Variants in XRCC4 observed in about 807,000 individuals in gnomAD.
The protein encoded by XRCC4 is X-ray repair cross complementing 4.
A neutral mutation model predicts 39.1 loss-of-function variants in XRCC4; 28 were observed. The ratio of observed to expected loss-of-function variants is 0.72; its 90% CI spans 0.53 to 0.98. XRCC4 has a LOEUF of 0.98. Ranked by LOEUF, XRCC4 falls within the 50% of genes least tolerant of loss-of-function variation. XRCC4 has a pLI of 0.00. For synonymous variants in XRCC4, 123 were observed against 126.4 expected (o/e 0.97, Z 0.18); for missense variants, 350 against 376.4 (o/e 0.93, Z 0.58).
the XRCC4 span, among the ~76,000 whole-genome samples, chr5:83,366,952 A>G: frequency 1.4e-4 from 22 of 152,132 alleles, no homozygotes; most frequent in Admixed American, 1.2e-3. Context: ...TAGACCTAGC[A>G]TACTATATAT....
At chr5:83,122,806 AGT>A (rs1747072599) in intron 3 of XRCC4, among the ~76,000 whole-genome samples, 1 of 152,048 alleles carries the variant, frequency 6.6e-6, no homozygotes, top group Non-Finnish European at 1.5e-5. Flanking sequence ...TGAATTAATT[AGT>A]AGTTTGTAAT....
At chr5:83,372,035 T>A in the XRCC4 span, among the ~76,000 whole-genome samples, 1 of 152,230 alleles carries the variant, frequency 6.6e-6, no homozygotes, top group Admixed American at 6.5e-5. Context: ...TTTGTTGGCC[T>A]GTTGTGATAA....
At chr5:83,147,544 G>C (rs1472926255) in intron 3 of XRCC4, among the ~76,000 whole-genome samples, 1 of 152,082 alleles carries the variant, frequency 6.6e-6, no homozygotes, top group East Asian at 1.9e-4. Context: ...GGTTACCTGG[G>C]GTTGGGGGTG....
At chr5:83,211,647 A>G (rs1377763893) in intron 6 of XRCC4, among the ~76,000 whole-genome samples, 3 of 152,118 alleles carry the variant, frequency 2.0e-5, no homozygotes, top group Non-Finnish European at 2.9e-5. Flanking sequence ...AAGAAAAGAA[A>G]CCTATTAGCT....
At chr5:83,224,905 C>T (rs1246198002) in intron 6 of XRCC4, among the ~76,000 whole-genome samples, 1 of 152,138 alleles carries the variant, frequency 6.6e-6, no homozygotes, top group Non-Finnish European at 1.5e-5. Flanking sequence ...CATCTTTCAA[C>T]CATTATTTTG....
intron 7 of XRCC4, among the ~76,000 whole-genome samples, chr5:83,302,701 C>T (rs1274732424): frequency 6.6e-6 from 1 of 152,182 alleles, no homozygotes; most frequent in Non-Finnish European, 1.5e-5. Context: ...TCACGGAGAA[C>T]AGCTCATTAG....
At chr5:83,305,071 A>G (rs1451734143) in intron 7 of XRCC4, among the ~76,000 whole-genome samples, 2 of 152,170 alleles carry the variant, frequency 1.3e-5, no homozygotes, top group African/African-American at 4.8e-5. Context: ...GTGTTGTTTC[A>G]TATCCTATCG....
At position 83,203,587 on chromosome 5, in the gene XRCC4, A is replaced by T. The variant is rs1376295451; in HGVS notation, c.518A>T (p.Glu173Val). Residue 173 changes from glutamate (E) to valine (V), a missense_variant, in exon 5 of 8, where the codon GAG becomes GTG. Physicochemically the swap from Glu to Val is moderately radical, Grantham distance 121. Coordinates refer to ENST00000396027, the MANE Select transcript of XRCC4 (RefSeq NM_003401.5). ...EKCVSAKEAL[E>V]TDLYKRFILV... The stretch of plus-strand genomic sequence containing the variant: ...TGTGTGAGTGCTAAGGAAGCTTTGG[A>T]GACTGATCTTTATAAGCGGTTTATT... 6.2e-7 allele frequency: 1 copy of T among 1,603,882 alleles called. No individual in the cohort carries two copies. The highest frequency in any genetic ancestry group is 8.5e-7 in the Non-Finnish European group (1 of 1,177,216).
intron 6 of XRCC4, among the ~76,000 whole-genome samples, chr5:83,238,215 CTT>C (rs910914435): frequency 6.6e-6 from 1 of 152,124 alleles, no homozygotes; most frequent in African/African-American, 2.4e-5. Context: ...CAAAGGGAAA[CTT>C]ATGATGGTTT....
intron 6 of XRCC4, among the ~76,000 whole-genome samples, chr5:83,222,404 T>C (rs950856030): frequency 1.3e-5 from 2 of 152,190 alleles, no homozygotes; most frequent in Non-Finnish European, 2.9e-5. Context: ...GTATTTAAAT[T>C]TGCCTTATAT....
At chr5:83,145,817 A>G (rs1298037966) in intron 3 of XRCC4, among the ~76,000 whole-genome samples, 2 of 149,788 alleles carry the variant, frequency 1.3e-5, no homozygotes, top group African/African-American at 4.9e-5. Context: ...TTTTTTCCCC[A>G]GAATCAATCT....
intron 7 of XRCC4, among the ~76,000 whole-genome samples, chr5:83,288,111 T>C (rs1754796282): frequency 6.6e-6 from 1 of 151,898 alleles, no homozygotes; most frequent in African/African-American, 2.4e-5. Context: ...TCTAGTTTCA[T>C]TTTCATTGTG....
chr5:83,254,081 G>GA (rs1276272911), intron 6 of XRCC4, among the ~76,000 whole-genome samples: 1 of 117,816 alleles, frequency 8.5e-6, no homozygotes, highest in Non-Finnish European at 1.8e-5. Flanking sequence ...ATCGTTTTTT[G>GA]TTTTTTTTTT....
downstream of XRCC4, among the ~76,000 whole-genome samples, chr5:83,356,149 G>A (rs1757187828): frequency 6.6e-6 from 1 of 152,012 alleles, no homozygotes; most frequent in Non-Finnish European, 1.5e-5. Flanking sequence ...ATTCTACTCA[G>A]TCACTTTGGA....
intron 6 of XRCC4, among the ~76,000 whole-genome samples, chr5:83,222,020 G>A (rs954950742): frequency 1.3e-5 from 2 of 151,492 alleles, no homozygotes; most frequent in African/African-American, 2.4e-5. Context: ...TGTTTACATG[G>A]TTTATCTTTT....
chr5:83,121,324 G>T (rs990101424), intron 3 of XRCC4, among the ~76,000 whole-genome samples: 1 of 152,120 alleles, frequency 6.6e-6, no homozygotes, highest in Admixed American at 6.6e-5. Flanking sequence ...TTATATGGTA[G>T]GCATATGTTT....
intron 3 of XRCC4, among the ~76,000 whole-genome samples, chr5:83,129,571 T>C (rs1228802792): frequency 6.6e-6 from 1 of 152,102 alleles, no homozygotes; most frequent in African/African-American, 2.4e-5. Flanking sequence ...TTGGGCAGTA[T>C]GGCCATTTTC....
intron 3 of XRCC4, among the ~76,000 whole-genome samples, chr5:83,132,552 C>T (rs545345723): frequency 6.6e-6 from 1 of 151,822 alleles, no homozygotes; most frequent in African/African-American, 2.4e-5. Context: ...TCACATAGTC[C>T]CATATTTCTC....
Position 83,169,256 on chromosome 5 carries a change from T to G in XRCC4, c.316-26514T>G, listed in dbSNP as rs1041842212. Among the ~76,000 whole-genome samples, 4 of 152,224 alleles carry G rather than the reference T, an allele frequency of 2.6e-5. No homozygotes were observed. The South Asian group carries it at 8.3e-4, about 32-fold the overall frequency. ...CCAAAGTTTAAATATTATATTTCCT[T>G]TTGAAATTATAGATTCTTTTATTTC... is the stretch of plus-strand genomic sequence containing the variant. On this transcript the variant is annotated intron_variant, in intron 3 of 7. Coordinates refer to ENST00000396027, the MANE Select transcript of XRCC4 (RefSeq NM_003401.5).
Sources: allele counts gnomAD v4.1 joint callset (sites outside exome capture counted in the v4.1 genomes callset), GRCh38; gene constraint gnomAD v4.1.1; transcripts MANE v1.5; gene names NCBI Gene and HGNC (gene_info 2026-07-23, HGNC 2026-07-21).